The following ADAM33 variants were observed in gnomAD, a reference collection of about 807,000 sequenced individuals.
ADAM33 encodes disintegrin and metalloproteinase domain-containing protein 33.
Under a neutral mutation model 106.2 loss-of-function variants are expected in ADAM33, and 103 were observed. The ratio of observed to expected loss-of-function variants is 0.97; its 90% CI spans 0.83 to 1.14. ADAM33 has a LOEUF of 1.14. ADAM33 is among the 50% of genes most tolerant of loss of function. The probability of loss-of-function intolerance (pLI) is 0.00; values close to 1 mark genes in which losing one functional copy is unlikely to be tolerated. For synonymous variants in ADAM33, 483 were observed against 453.0 expected (o/e 1.07, Z -0.84); for missense variants, 1,120 against 1,096.6 (o/e 1.02, Z -0.30).
rs759939443 is a variant in ADAM33 at position 3,672,765 on chromosome 20, C to T, written c.1267G>A (p.Gly423Ser). ...CACTCCTCGCCCGCTTCCACGAAGCCGTTCCCGCAGAGCGCCGGCGGCACC... is the reference window on the plus strand; with the variant it reads ...CACTCCTCGCCCGCTTCCACGAAGCTGTTCCCGCAGAGCGCCGGCGGCACC... ...LPVPPALCGN[G>S]FVEAGEECDC... Residue 423 changes from glycine to serine, a missense_variant, in exon 12 of 22, where the codon GGC becomes AGC. Transcript: ENST00000356518. 4 of 1,568,684 alleles carry T rather than the reference C, an allele frequency of 2.5e-6. No individual in the cohort carries two copies. Among genetic ancestry groups the T allele is most frequent in the African/African-American group, 2.7e-5 (2 of 73,686 alleles).
Position 3,672,232 on chromosome 20 carries a change from T to C in ADAM33, c.1499A>G (p.Tyr500Cys), listed in dbSNP as rs1405151566. ...GTSSHCPPDV[Y>C]LLDGSPCARG... ...GGCACAGGGTGAGCCGTCCAGTAGG[T>C]AAACGTCTGGGGGACAGTGGGAGGA... Residue 500 changes from tyrosine (Y) to cysteine (C), a missense_variant, in exon 14 of 22, where the codon TAC becomes TGC. Tyr to Cys is a radical substitution (Grantham distance 194, BLOSUM62 -2). Transcript: ENST00000356518. 6.2e-7 allele frequency: 1 copy of C among 1,613,324 alleles called. No individual in the cohort carries two copies. Among genetic ancestry groups the C allele is most frequent in the Admixed American group, 1.7e-5 (1 of 60,024 alleles).
At chr20:3,673,702 G>T in intron 9 of ADAM33, 43 bp downstream of exon 9, 1 of 1,366,532 alleles carries the variant, frequency 7.3e-7, no homozygotes, top group Non-Finnish European at 9.4e-7. Context: ...CGGGAGGTGA[G>T]GCCGCCCCAC....
intron 11 of ADAM33, 182 bp downstream of exon 11, chr20:3,673,172 G>A: frequency 5.9e-6 from 9 of 1,513,584 alleles, no homozygotes; most frequent in East Asian, 4.9e-5. Flanking sequence ...TCTTCATACC[G>A]TTGAGAATCC....
In ADAM33 at chr20:3,671,778, C is replaced by T. The variant is rs149602288; in HGVS notation, c.1708G>A (p.Asp570Asn). The T allele has an allele frequency of 2.1e-4, 321 of 1,560,688 alleles. No homozygotes were observed. Among genetic ancestry groups the T allele is most frequent in the Non-Finnish European group, 2.7e-4 (308 of 1,152,162 alleles). The change falls in exon 16 of 22, where the codon GAT becomes AAT. Residue 570 changes from aspartate (D) to asparagine (N), a missense_variant and splice_region_variant. Transcript: ENST00000356518. ...EGHFLPCAGR[D>N]ALCGKLQCQG... ...CACTGCAGCTTCCCACACAGGGCAT[C>T]CCTGGGGAGGAAGTAGAGGGGGGTC...
At chr20:3,669,041 C>T (rs1048308883) in intron 21 of ADAM33, 41 bp from the exon 22 acceptor site, 6 of 1,608,282 alleles carry the variant, frequency 3.7e-6, no homozygotes, top group Admixed American at 3.3e-5. Context: ...AGGACTGGGG[C>T]CCCAGGCTGC....
At chr20:3,680,240 C>T (rs1297594218) in intron 1 of ADAM33, among the ~76,000 whole-genome samples, 1 of 122,928 alleles carries the variant, frequency 8.1e-6, no homozygotes, top group Non-Finnish European at 1.7e-5. Context: ...GGAATGTTCC[C>T]CTGGAATGCT....
chr20:3,675,060 A>T lies in ADAM33; in HGVS notation c.300T>A (p.Asp100Glu), dbSNP rs997909488. 1 of 1,613,284 alleles carries T rather than the reference A, an allele frequency of 6.2e-7. No homozygotes were observed. Among genetic ancestry groups the T allele is most frequent in the African/African-American group, 1.3e-5 (1 of 74,904 alleles). Residue 100 changes from aspartate (D) to glutamate (E), a missense_variant, in exon 4 of 22, where the codon GAT becomes GAA. Physicochemically the swap from Asp to Glu is conservative, Grantham distance 45. Transcript: ENST00000356518. The surrounding 1 kb of genome is among the most constrained non-coding windows in gnomAD (Gnocchi z 4.1). ...PGYIETHYGP[D>E]GQPVVLAPNH... ...TGGGGGCCAGCACCACTGGCTGCCC[A>T]TCTGGGCCGTAGTGGGTTTCTATGT... is the stretch of plus-strand genomic sequence containing the variant.
intron 2 of ADAM33, among the ~76,000 whole-genome samples, chr20:3,677,951 T>C (rs1462257069): frequency 6.6e-6 from 1 of 152,202 alleles, no homozygotes; most frequent in Non-Finnish European, 1.5e-5. Flanking sequence ...TTCGGAATGT[T>C]TAACCCCCGA....
In ADAM33 at chr20:3,673,473, G is replaced by C; in HGVS notation, c.1014C>G (p.Gly338=). The C allele has an allele frequency of 6.5e-7, 1 of 1,538,726 alleles. No homozygotes were observed. The highest frequency in any genetic ancestry group is 1.3e-5 in the South Asian group (1 of 79,670). The change falls in exon 11 of 22, where the codon GGC becomes GGG. Residue 338 remains glycine, a synonymous_variant. Coordinates refer to ENST00000356518, the MANE Select transcript of ADAM33 (RefSeq NM_025220.5). Reference sequence around the variant, plus strand: ...TCTCATGGGCCATGGTGGCTGCGGCGCCGATGGGGAGCTCCGAGTGGTCCT... The same window carrying C: ...TCTCATGGGCCATGGTGGCTGCGGCCCCGATGGGGAGCTCCGAGTGGTCCT... ...VSTDHSELPI[G]AAATMAHEIG...
chr20:3,673,425 G>A lies in ADAM33; in HGVS notation c.1062C>T (p.Ser354=). The A allele has an allele frequency of 6.4e-7, 1 of 1,571,748 alleles. No homozygotes were observed. The highest frequency in any genetic ancestry group is 8.6e-7 in the Non-Finnish European group (1 of 1,165,758). ...AHEIGHSLGL[S]HDPDGCCVEA... ...CCACGCAGCAGCCGTCGGGGTCGTG[G>A]CTGAGGCCGAGGCTGTGGCCGATCT... The change falls in exon 11 of 22, where the codon AGC becomes AGT. Residue 354 remains serine (S), a synonymous_variant. Transcript: ENST00000356518.
At chr20:3,672,019 G>A (rs2087569199) in intron 14 of ADAM33, 34 bp from the exon 15 acceptor site, 6 of 1,552,898 alleles carry the variant, frequency 3.9e-6, no homozygotes, top group African/African-American at 2.7e-5. Context: ...GGGGCAGCTC[G>A]GAGAGGGGCT....
rs1250958346 is a variant in ADAM33 at position 3,671,269 on chromosome 20, C to T, written c.2060G>A (p.Gly687Asp). Residue 687 changes from glycine (G) to aspartate (D), a missense_variant, in exon 18 of 22, where the codon GGC becomes GAC. Transcript: ENST00000356518. The part of the protein sequence containing the change: ...PPFCDKPGFG[G>D]SMDSGPVQAE... ...CTGCACAGGGCCACTGTCCATGCTGCCACCAAAGCCTGGCTTGTCACAGAA... is the reference window on the plus strand; with the variant it reads ...CTGCACAGGGCCACTGTCCATGCTGTCACCAAAGCCTGGCTTGTCACAGAA... The T allele has an allele frequency of 2.5e-6, 4 of 1,613,948 alleles. No individual in the cohort carries two copies. The highest frequency in any genetic ancestry group is 3.4e-6 in the Non-Finnish European group (4 of 1,180,010).
At position 3,671,571 on chromosome 20, in the gene ADAM33, C is replaced by A; in HGVS notation, c.1905+10G>T. ...AAACGGCAAGGAGGGGTCGGGTGGG[C>A]AGAGCTCACCATTCTAGGTCCACAC... On this transcript the variant is annotated intron_variant, in intron 16 of 21. Coordinates refer to ENST00000356518, the MANE Select transcript of ADAM33 (RefSeq NM_025220.5). The A allele has an allele frequency of 6.2e-7, 1 of 1,602,034 alleles. No individual in the cohort carries two copies. Among genetic ancestry groups the A allele is most frequent in the Non-Finnish European group, 8.5e-7 (1 of 1,174,336 alleles).
intron 1 of ADAM33, among the ~76,000 whole-genome samples, chr20:3,681,548 G>A (rs1278647403): frequency 6.6e-6 from 1 of 152,122 alleles, no homozygotes; most frequent in Non-Finnish European, 1.5e-5. Context: ...TCACACGGTG[G>A]CCTGCGGATG....
intron 19 of ADAM33, 43 bp downstream of exon 19, chr20:3,670,963 G>A: frequency 6.6e-7 from 1 of 1,512,788 alleles, no homozygotes; most frequent in Non-Finnish European, 8.9e-7. Context: ...CTGAGGAGGG[G>A]AACCGCAGGA....
chr20:3,679,255 G>A (rs2088248324), intron 2 of ADAM33, among the ~76,000 whole-genome samples: 1 of 151,678 alleles, frequency 6.6e-6, no homozygotes, highest in Non-Finnish European at 1.5e-5. Context: ...GGGAAAGAGG[G>A]AGGTGGGGTG....
chr20:3,672,879 A>C lies in ADAM33; in HGVS notation c.1153T>G (p.Phe385Val). ...AATGHPFPRV[F>V]SACSRRQLRA... Reference sequence around the variant, plus strand: ...AGCTGGCGGCGGCTGCAGGCGCTGAACACGCGCGGAAACGGGTGCCTACCG... The same window carrying C: ...AGCTGGCGGCGGCTGCAGGCGCTGACCACGCGCGGAAACGGGTGCCTACCG... The change falls in exon 12 of 22, where the codon TTC (phenylalanine) becomes GTC (valine). Residue 385 changes from phenylalanine (F) to valine (V), a missense_variant. Coordinates refer to ENST00000356518, the MANE Select transcript of ADAM33 (RefSeq NM_025220.5). 1 of 1,575,544 alleles carries C rather than the reference A, an allele frequency of 6.3e-7. No individual in the cohort carries two copies. The highest frequency in any genetic ancestry group is 8.5e-7 in the Non-Finnish European group (1 of 1,169,980).
In ADAM33 at chr20:3,679,575, G is replaced by A. The variant is rs760058984; in HGVS notation, c.98-4C>T. The A allele has an allele frequency of 6.2e-7, 1 of 1,605,754 alleles. No homozygotes were observed. Among genetic ancestry groups the A allele is most frequent in the Non-Finnish European group, 8.5e-7 (1 of 1,176,238 alleles). On this transcript the variant is annotated splice_polypyrimidine_tract_variant and splice_region_variant and intron_variant, in intron 1 of 21. Transcript: ENST00000356518. The stretch of plus-strand genomic sequence containing the variant: ...ACTGGCTGCCCAGGGATATGTCCTG[G>A]AGTAAAGACAGAGCACAGGGTGAGG...
chr20:3,671,891 C>T lies in ADAM33; in HGVS notation c.1692G>A (p.Leu564=). ...CCACTCCCTACCTCCCTGCACAGGG[C>T]AGGAAGTGGCCCTCGCTGTCCTGGC... The part of the protein sequence containing the change: ...NCGQDSEGHF[L]PCAGRDALCG... The change falls in exon 15 of 22, where the codon CTG becomes CTA. Residue 564 remains leucine (L), a synonymous_variant. Transcript: ENST00000356518. 1 of 1,553,320 alleles carries T rather than the reference C, an allele frequency of 6.4e-7. No individual in the cohort carries two copies. The highest frequency in any genetic ancestry group is 1.2e-5 in the South Asian group (1 of 84,158).
Sources: allele counts gnomAD v4.1 joint callset (sites outside exome capture counted in the v4.1 genomes callset), GRCh38; gene constraint gnomAD v4.1.1; non-coding constraint Gnocchi (gnomAD v3.1); transcripts MANE v1.5; gene names NCBI Gene and HGNC (gene_info 2026-07-23, HGNC 2026-07-21).